DNAH12: variants seen among roughly 807,000 people sequenced by gnomAD.
DNAH12 encodes axonemal beta dynein heavy chain 12.
Under a neutral mutation model 371.5 loss-of-function variants are expected in DNAH12, and 285 were observed. The ratio of observed to expected loss-of-function variants is 0.77; its 90% CI spans 0.70 to 0.85. The LOEUF is 0.85. Ranked by LOEUF, DNAH12 falls within the 40% of genes least tolerant of loss-of-function variation. The probability of loss-of-function intolerance (pLI) is 0.00; values close to 1 mark genes in which losing one functional copy is unlikely to be tolerated. For missense variants in DNAH12, 3,611 were observed against 3,689.4 expected, an observed-to-expected ratio of 0.98 and a Z score of 0.55; for synonymous variants, 1,200 against 1,213.0, an observed-to-expected ratio of 0.99 and a Z score of 0.22.
At chr3:57,322,870 C>A in intron 64 of DNAH12, 137 bp downstream of exon 64, 2 of 1,250,110 alleles carry the variant, frequency 1.6e-6, no homozygotes, top group South Asian at 3.3e-5. Flanking sequence ...GCGAAGTTTG[C>A]GGTGAGCCGA....
chr3:57,551,343 C>G, the DNAH12 span, among the ~76,000 whole-genome samples: 12 of 152,052 alleles, frequency 7.9e-5, no homozygotes, highest in African/African-American at 2.9e-4. Context: ...GCGATCTCGG[C>G]TCACTGCAAG....
chr3:57,441,959 A>G (rs1046208410), intron 29 of DNAH12, among the ~76,000 whole-genome samples: 3 of 152,178 alleles, frequency 2.0e-5, no homozygotes, highest in African/African-American at 7.2e-5. Flanking sequence ...AGAGGAGTAT[A>G]AATAAGAAAA....
At chr3:57,515,097 A>G (rs1007255719) in intron 4 of DNAH12, among the ~76,000 whole-genome samples, 1 of 152,192 alleles carries the variant, frequency 6.6e-6, no homozygotes, top group African/African-American at 2.4e-5. Context: ...TGTTACTGGA[A>G]TAGGAGGTAT....
chr3:57,382,931 A>T (rs1252730682), intron 49 of DNAH12, among the ~76,000 whole-genome samples: 1 of 152,222 alleles, frequency 6.6e-6, no homozygotes, highest in African/African-American at 2.4e-5. Flanking sequence ...TAACAACTAT[A>T]TATCTTAGTT....
intron 69 of DNAH12, among the ~76,000 whole-genome samples, chr3:57,302,567 A>ATATATATATATATTTTTTTTTTTTT (rs2061380979): frequency 3.6e-5 from 1 of 27,480 alleles, no homozygotes; most frequent in Non-Finnish European, 6.3e-5. Context: ...ATATATATGT[A>ATATATATATATATTTTTTTTTTTTT]TTTTTTTTTT....
At chr3:57,465,203 C>A (rs1446668003) in intron 17 of DNAH12, among the ~76,000 whole-genome samples, 3 of 152,286 alleles carry the variant, frequency 2.0e-5, no homozygotes, top group East Asian at 3.9e-4. Context: ...ACTTAGCTAA[C>A]CCGTGGTCCT....
At chr3:57,514,321 G>C (rs1434502622) in intron 4 of DNAH12, among the ~76,000 whole-genome samples, 3 of 151,320 alleles carry the variant, frequency 2.0e-5, no homozygotes, top group African/African-American at 7.3e-5. Flanking sequence ...TTGAACCCGG[G>C]AGGCAGAGGT....
chr3:57,470,045 TG>T (rs1392362649), intron 16 of DNAH12, among the ~76,000 whole-genome samples: 1 of 152,136 alleles, frequency 6.6e-6, no homozygotes, highest in Non-Finnish European at 1.5e-5. Flanking sequence ...CTTCTAATTT[TG>T]GGGGTAAACA....
chr3:57,294,482 A>C (rs4681967), intron 73 of DNAH12, among the ~76,000 whole-genome samples: 28,318 of 152,132 alleles, frequency 0.19, 2,946 homozygotes, highest in African/African-American at 0.25. Context: ...GCCCAAGGCA[A>C]GTATTTCGTA....
intron 53 of DNAH12, among the ~76,000 whole-genome samples, chr3:57,376,672 A>C (rs903295745): frequency 2.0e-5 from 3 of 152,206 alleles, no homozygotes; most frequent in Non-Finnish European, 2.9e-5. Context: ...AAACATTACA[A>C]AAAATTTTGA....
chr3:57,315,018 G>A (rs987353190), intron 65 of DNAH12, among the ~76,000 whole-genome samples: 7 of 152,130 alleles, frequency 4.6e-5, no homozygotes, highest in Admixed American at 3.3e-4. Flanking sequence ...TAACCATTAT[G>A]ATATGAATAA....
Position 57,444,772 on chromosome 3 carries a change from T to C in DNAH12, c.4470A>G (p.Ser1490=). The C allele has an allele frequency of 3.9e-6, 6 of 1,547,754 alleles. No homozygotes were observed. The highest frequency in any genetic ancestry group is 5.2e-6 in the Non-Finnish European group (6 of 1,145,762). Residue 1490 remains serine, a synonymous_variant, in exon 29 of 74, where the codon TCA becomes TCG. Transcript: ENST00000495027. Reference sequence around the variant, plus strand: ...TTCCATTAAATAAAGGTATATCATGTGATAAAAACTTTGGTTCATTTACAT... The same window carrying C: ...TTCCATTAAATAAAGGTATATCATGCGATAAAAACTTTGGTTCATTTACAT... ...IKDVNEPKFL[S]HDIPLFNGIT...
rs2061861303 is a variant in DNAH12, at chr3:57,323,624, TGAAGA to T, written c.9979-10_9979-6del. On this transcript the variant is annotated splice_polypyrimidine_tract_variant and splice_region_variant and intron_variant, in intron 62 of 73. Transcript: ENST00000495027. ...GTTTGTTATAGCTGGGGTTATCTGTTGAAGAGAAAAGATATGATCTTTAGAGCAAC... is the reference window on the plus strand; with the variant it reads ...GTTTGTTATAGCTGGGGTTATCTGTTGAAAAGATATGATCTTTAGAGCAAC... 6.5e-7 allele frequency: 1 copy of T among 1,528,526 alleles called. No individual in the cohort carries two copies. Among genetic ancestry groups the T allele is most frequent in the African/African-American group, 1.4e-5 (1 of 71,798 alleles). 94.7% of individuals were successfully genotyped at this position (1,528,526 alleles called of 1,614,324 possible). A position where few individuals can be genotyped will look rare whatever the true frequency, so the allele number is the denominator to read the frequency against.
chr3:57,316,648 A>T (rs2061691674), intron 65 of DNAH12, among the ~76,000 whole-genome samples: 1 of 152,040 alleles, frequency 6.6e-6, no homozygotes, highest in Admixed American at 6.6e-5. Context: ...GGGACCTATA[A>T]TCCCTGCGTG....
chr3:57,517,527 C>A (rs537369770), intron 4 of DNAH12, among the ~76,000 whole-genome samples: 1 of 151,420 alleles, frequency 6.6e-6, no homozygotes, highest in East Asian at 1.9e-4. Context: ...TATTATATGA[C>A]TATATAGTGA....
At chr3:57,416,339 G>C (rs1217729676) in intron 37 of DNAH12, among the ~76,000 whole-genome samples, 1 of 152,084 alleles carries the variant, frequency 6.6e-6, no homozygotes, top group Non-Finnish European at 1.5e-5. Context: ...TGATCCTCTT[G>C]TCCCAGCCTC....
chr3:57,319,536 G>A (rs2061759453), intron 65 of DNAH12, among the ~76,000 whole-genome samples: 1 of 151,950 alleles, frequency 6.6e-6, no homozygotes, highest in Admixed American at 6.6e-5. Context: ...TTATGTTGAG[G>A]TAATTTTCTT....
intron 34 of DNAH12, among the ~76,000 whole-genome samples, chr3:57,426,154 G>C (rs1459921304): frequency 6.6e-6 from 1 of 152,184 alleles, no homozygotes; most frequent in Non-Finnish European, 1.5e-5. Context: ...GATGTGAGCA[G>C]ACACAGATTA....
intron 69 of DNAH12, among the ~76,000 whole-genome samples, chr3:57,302,561 A>ATTTTTTTTTTTTTTTTTTTTTTT (rs1180289342): frequency 2.2e-5 from 1 of 45,162 alleles, no homozygotes; most frequent in Non-Finnish European, 4.5e-5. Flanking sequence ...ATATATATAT[A>ATTTTTTTTTTTTTTTTTTTTTTT]TATGTATTTT....
Sources: allele counts gnomAD v4.1 joint callset (sites outside exome capture counted in the v4.1 genomes callset), GRCh38; gene constraint gnomAD v4.1.1; transcripts MANE v1.5; gene names NCBI Gene and HGNC (gene_info 2026-07-23, HGNC 2026-07-21).